Variants in ATAD2B observed in about 807,000 individuals in gnomAD.
The protein encoded by ATAD2B is ATPase family AAA domain-containing protein 2B.
Under a neutral mutation model 167.6 loss-of-function variants are expected in ATAD2B, and 40 were observed. The observed-to-expected ratio is 0.24, with a 90% CI of 0.19 to 0.31. The LOEUF is 0.31. Among genes scored for constraint, ATAD2B ranks in the 10% least tolerant of loss-of-function variants. ATAD2B has a pLI of 1.00. For synonymous variants in ATAD2B, 579 were observed against 596.5 expected (o/e 0.97, Z 0.43); for missense variants, 1,242 against 1,757.2 (o/e 0.71, Z 5.24).
At chr2:23,826,283 G>GT in intron 15 of ATAD2B, among the ~76,000 whole-genome samples, 1 of 152,184 alleles carries the variant, frequency 6.6e-6, no homozygotes, top group East Asian at 1.9e-4. Context: ...GGCTAAATGG[G>GT]TTATACTTAG....
chr2:23,858,425 C>A (rs780864891), intron 12 of ATAD2B, among the ~76,000 whole-genome samples: 1 of 151,240 alleles, frequency 6.6e-6, no homozygotes, highest in Non-Finnish European at 1.5e-5. Context: ...TCAGCCTACA[C>A]ATTCTTTTTA....
At chr2:23,921,573 T>C (rs1430166735) in intron 1 of ATAD2B, among the ~76,000 whole-genome samples, 1 of 152,202 alleles carries the variant, frequency 6.6e-6, no homozygotes, top group African/African-American at 2.4e-5. Flanking sequence ...AAGGAATTAG[T>C]ATGTATTCAC....
At chr2:23,792,962 CAAAAAAAAAAA>C (rs36015161) in intron 19 of ATAD2B, among the ~76,000 whole-genome samples, 21 of 42,546 alleles carry the variant, frequency 4.9e-4, no homozygotes, top group South Asian at 1.4e-3. Context: ...GACTCTGTCT[CAAAAAAAAAAA>C]AAAAAAAAAA....
At chr2:23,690,855 T>G in the ATAD2B span, 3 of 152,236 alleles carry the variant, frequency 2.0e-5, no homozygotes, top group South Asian at 2.1e-4. Context: ...ATAAACAGAT[T>G]TATATATTTG....
chr2:23,739,088 C>T, the ATAD2B span, among the ~76,000 whole-genome samples: 3 of 152,170 alleles, frequency 2.0e-5, no homozygotes, highest in African/African-American at 7.2e-5. Flanking sequence ...TACACTCCCA[C>T]CCAATAATAA....
At chr2:23,712,271 A>T in the ATAD2B span, among the ~76,000 whole-genome samples, 1 of 152,382 alleles carries the variant, frequency 6.6e-6, no homozygotes, top group South Asian at 2.1e-4. Context: ...GTAAGAAAAC[A>T]GAGAACTCTG....
chr2:23,863,548 A>G lies in ATAD2B; in HGVS notation c.1312T>C (p.Leu438=), dbSNP rs1461612147. Residue 438 remains leucine (L), a synonymous_variant, in exon 12 of 28, where the codon TTG becomes CTG. Transcript: ENST00000238789. ...KFKIQPPRGC[L]FYGPPGTGKT... Reference sequence around the variant, plus strand: ...CCTGTGCCAGGAGGGCCATAAAACAAACAGCCCCTAGAAGAATAAAAAAAT... The same window carrying G: ...CCTGTGCCAGGAGGGCCATAAAACAGACAGCCCCTAGAAGAATAAAAAAAT... 1 of 1,567,256 alleles carries G rather than the reference A, an allele frequency of 6.4e-7. No individual in the cohort carries two copies. Among genetic ancestry groups the G allele is most frequent in the East Asian group, 2.3e-5 (1 of 42,744 alleles).
At chr2:23,712,287 G>A in the ATAD2B span, among the ~76,000 whole-genome samples, 2 of 152,206 alleles carry the variant, frequency 1.3e-5, no homozygotes, top group African/African-American at 2.4e-5. Context: ...CTCTGTGAAT[G>A]GGATAGACAT....
intron 22 of ATAD2B, among the ~76,000 whole-genome samples, chr2:23,779,360 A>G (rs1157329716): frequency 6.6e-6 from 1 of 151,734 alleles, no homozygotes; most frequent in African/African-American, 2.4e-5. Flanking sequence ...TATTTTTAGT[A>G]GAGACAGGGT....
At chr2:23,907,897 C>T (rs1701724395) in intron 1 of ATAD2B, among the ~76,000 whole-genome samples, 1 of 152,034 alleles carries the variant, frequency 6.6e-6, no homozygotes, top group African/African-American at 2.4e-5. Context: ...GAAAGGATTC[C>T]CTATTTAATA....
At chr2:23,704,909 G>A in the ATAD2B span, among the ~76,000 whole-genome samples, 1 of 152,364 alleles carries the variant, frequency 6.6e-6, no homozygotes, top group East Asian at 1.9e-4. Context: ...CCCATTGTTT[G>A]TGTAGCATAG....
intron 9 of ATAD2B, 63 bp downstream of exon 9, chr2:23,869,600 A>T (rs1281637069): frequency 6.2e-6 from 7 of 1,124,718 alleles, no homozygotes; most frequent in Non-Finnish European, 9.2e-6. Context: ...AAAGAAAATC[A>T]CTCAAAAAAA....
chr2:23,706,411 G>A, the ATAD2B span: 56 of 1,265,772 alleles, frequency 4.4e-5, 1 homozygote, highest in East Asian at 5.3e-4. Flanking sequence ...AGGACACGAC[G>A]TTGAGAACCT....
chr2:23,740,116 A>C, the ATAD2B span, among the ~76,000 whole-genome samples: 1 of 152,242 alleles, frequency 6.6e-6, no homozygotes, highest in Non-Finnish European at 1.5e-5. Context: ...GAATTCTACC[A>C]GAGGTACAAA....
intron 8 of ATAD2B, chr2:23,872,514 C>T (rs568154744): frequency 2.5e-5 from 21 of 826,418 alleles, no homozygotes; most frequent in Middle Eastern, 3.2e-4. Context: ...CATTCCAAAA[C>T]GGCAGAGCTC....
intron 19 of ATAD2B, among the ~76,000 whole-genome samples, chr2:23,790,724 T>A (rs1424276831): frequency 6.6e-6 from 1 of 152,236 alleles, no homozygotes; most frequent in Admixed American, 6.5e-5. Context: ...ACACTGGTTG[T>A]GATACATAGT....
intron 22 of ATAD2B, among the ~76,000 whole-genome samples, chr2:23,782,604 C>G (rs910149751): frequency 2.0e-5 from 3 of 152,098 alleles, no homozygotes; most frequent in African/African-American, 7.2e-5. Flanking sequence ...AATATATTTT[C>G]AATTAAATTC....
intron 18 of ATAD2B, among the ~76,000 whole-genome samples, chr2:23,809,549 G>A (rs1410549053): frequency 6.6e-6 from 1 of 152,164 alleles, no homozygotes; most frequent in Admixed American, 6.5e-5. Flanking sequence ...TACTACTCCA[G>A]TTATTTAACT....
intron 1 of ATAD2B, among the ~76,000 whole-genome samples, chr2:23,898,886 T>C (rs1429153900): frequency 2.6e-5 from 4 of 152,072 alleles, no homozygotes; most frequent in African/African-American, 9.7e-5. Context: ...CAGTGGCTCA[T>C]GCCTGTAATC....
Sources: allele counts gnomAD v4.1 joint callset (sites outside exome capture counted in the v4.1 genomes callset), GRCh38; gene constraint gnomAD v4.1.1; transcripts MANE v1.5; gene names NCBI Gene and HGNC (gene_info 2026-07-23, HGNC 2026-07-21).